NREP: variants seen among roughly 807,000 people sequenced by gnomAD.
The protein encoded by NREP is neuronal regeneration-related protein.
Under a neutral mutation model 8.6 loss-of-function variants are expected in NREP, and 5 were observed. The ratio of observed to expected loss-of-function variants is 0.58; its 90% CI spans 0.30 to 1.22. The LOEUF (loss-of-function observed/expected upper bound fraction) is 1.22. Ranked by LOEUF, NREP falls within the 50% of genes most tolerant of loss-of-function variation. The pLI is 0.07. For synonymous variants in NREP, 27 were observed against 28.0 expected, an observed-to-expected ratio of 0.96 and a Z score of 0.11; for missense variants, 86 against 82.5, an observed-to-expected ratio of 1.04 and a Z score of -0.17.
intron 2 of NREP, among the ~76,000 whole-genome samples, chr5:111,808,872 T>G (rs1752204738): frequency 6.6e-6 from 1 of 152,198 alleles, no homozygotes; most frequent in Non-Finnish European, 1.5e-5. Context: ...CCTTTGTATT[T>G]CTAGCATGTG....
chr5:111,868,431 G>C (rs780369129), intron 2 of NREP, among the ~76,000 whole-genome samples: 1 of 152,136 alleles, frequency 6.6e-6, no homozygotes. Context: ...TGTAGAATAC[G>C]AGTTGCAAAC....
At chr5:111,936,058 C>G (rs1172511672) in intron 2 of NREP, among the ~76,000 whole-genome samples, 1 of 152,028 alleles carries the variant, frequency 6.6e-6, no homozygotes, top group Non-Finnish European at 1.5e-5. Context: ...TAATCTCTGC[C>G]TTTGTCTTCC....
chr5:111,738,433 G>GTATT (rs1221584502), intron 2 of NREP: 2 of 152,192 alleles, frequency 1.3e-5, no homozygotes, highest in African/African-American at 4.8e-5. Flanking sequence ...TAAATGTACT[G>GTATT]TATTTTCTTT....
intron 2 of NREP, among the ~76,000 whole-genome samples, chr5:111,916,755 T>A (rs945225724): frequency 6.6e-6 from 1 of 152,184 alleles, no homozygotes; most frequent in African/African-American, 2.4e-5. Context: ...AATGAGTTAC[T>A]ACTTGTAAAG....
At chr5:111,883,337 C>T (rs1581189136) in intron 2 of NREP, among the ~76,000 whole-genome samples, 2 of 152,190 alleles carry the variant, frequency 1.3e-5, no homozygotes, top group East Asian at 3.9e-4. Context: ...TCCTGAGTGA[C>T]CTACAAAGAG....
chr5:111,779,629 A>C (rs572983717), intron 2 of NREP, among the ~76,000 whole-genome samples: 1 of 152,184 alleles, frequency 6.6e-6, no homozygotes, highest in South Asian at 2.1e-4. Context: ...AACAAGTGGG[A>C]ATTTGTATTA....
At chr5:111,895,795 C>T (rs1754496094) in intron 2 of NREP, among the ~76,000 whole-genome samples, 1 of 152,096 alleles carries the variant, frequency 6.6e-6, no homozygotes, top group Non-Finnish European at 1.5e-5. Context: ...TTCCAGATAT[C>T]ACCAAATTTA....
chr5:111,767,364 G>T (rs1409495372), intron 2 of NREP, among the ~76,000 whole-genome samples: 1 of 152,076 alleles, frequency 6.6e-6, no homozygotes, highest in Admixed American at 6.6e-5. Flanking sequence ...GCTCTCTCAA[G>T]TGGCTTTACA....
chr5:111,770,944 A>G (rs1751205263), intron 2 of NREP, among the ~76,000 whole-genome samples: 1 of 152,186 alleles, frequency 6.6e-6, no homozygotes. Flanking sequence ...GAGTTCTTTC[A>G]AAACATTTTC....
intron 2 of NREP, among the ~76,000 whole-genome samples, chr5:111,812,745 A>G (rs2112915699): frequency 6.6e-6 from 1 of 152,282 alleles, no homozygotes; most frequent in Admixed American, 6.5e-5. Context: ...GGTAGTCCTA[A>G]TATAGTAATT....
intron 2 of NREP, among the ~76,000 whole-genome samples, chr5:111,961,106 G>A (rs1166299390): frequency 3.9e-5 from 6 of 152,160 alleles, no homozygotes; most frequent in Non-Finnish European, 8.8e-5. Flanking sequence ...CTTTGCAAGT[G>A]AAGAAGCTGA....
intron 1 of NREP, 28 bp from the exon 2 acceptor site, chr5:111,755,858 C>T (rs1285363357): frequency 1.2e-6 from 2 of 1,611,658 alleles, no homozygotes; most frequent in African/African-American, 1.3e-5. Flanking sequence ...ATACAGTAGA[C>T]ACATCGCCTC....
rs114659613 is a variant in NREP at position 111,798,124 on chromosome 5, T to C, written c.136-62617A>G. Among the ~76,000 whole-genome samples the C allele has an allele frequency of 3.4e-3, 522 of 152,332 alleles. 4 individuals carry two copies. The highest frequency in any genetic ancestry group is 0.012 in the African/African-American group (509 of 41,586). ...ATATTTTGACCTGTTATAATAATAG[T>C]TGTTATTTGAACAACTTACTATCTT... On this transcript the variant is annotated intron_variant, in intron 2 of 3. Coordinates refer to the NREP transcript ENST00000395634.
chr5:111,797,528 CTT>C, intron 2 of NREP, among the ~76,000 whole-genome samples: 1 of 152,294 alleles, frequency 6.6e-6, no homozygotes, highest in Non-Finnish European at 1.5e-5. Flanking sequence ...TAAATATATA[CTT>C]TCTTTTACTA....
At chr5:111,900,649 T>C (rs574591448) in intron 2 of NREP, among the ~76,000 whole-genome samples, 23 of 151,558 alleles carry the variant, frequency 1.5e-4, no homozygotes, top group Non-Finnish European at 3.4e-4. Context: ...ACTAACAAAC[T>C]GAAAAACCTA....
chr5:111,970,104 G>A lies in NREP; in HGVS notation c.135+5170C>T, dbSNP rs369189823. On this transcript the variant is annotated intron_variant, in intron 2 of 3. Transcript: ENST00000395634. ...ATACTCTGTAAGATCTCTTTTCTAG[G>A]TTGTGTACAACATGGATTTGCTAGG... Among the ~76,000 whole-genome samples, 7 of 152,172 alleles carry A rather than the reference G, an allele frequency of 4.6e-5. No homozygotes were observed. In the East Asian group the frequency reaches 9.7e-4, roughly 21 times the overall value.
At chr5:111,839,938 A>T (rs1752985979) in intron 2 of NREP, among the ~76,000 whole-genome samples, 1 of 152,036 alleles carries the variant, frequency 6.6e-6, no homozygotes, top group Non-Finnish European at 1.5e-5. Context: ...GACACTTGGA[A>T]GACACCTGAC....
At chr5:111,755,345 T>C (rs1750631051) in intron 2 of NREP, 1 of 179,982 alleles carries the variant, frequency 5.6e-6, no homozygotes, top group African/African-American at 2.3e-5. Context: ...AAGGATAGCA[T>C]ATACAGTAGC....
chr5:111,884,973 A>C (rs1754200177), intron 2 of NREP, among the ~76,000 whole-genome samples: 1 of 152,212 alleles, frequency 6.6e-6, no homozygotes, highest in Non-Finnish European at 1.5e-5. Flanking sequence ...AGTTCTAGCC[A>C]GGGCAATTAG....
Sources: allele counts gnomAD v4.1 joint callset (sites outside exome capture counted in the v4.1 genomes callset), GRCh38; gene constraint gnomAD v4.1.1; transcripts MANE v1.5; gene names NCBI Gene and HGNC (gene_info 2026-07-23, HGNC 2026-07-21).